Variants in NCALD observed in about 807,000 individuals in gnomAD.
NCALD encodes the protein neurocalcin delta.
Under a neutral mutation model 18.6 loss-of-function variants are expected in NCALD, and 10 were observed. That is an observed-to-expected ratio of 0.54 (90% CI 0.33 to 0.91). NCALD has a LOEUF of 0.91. Ranked by LOEUF, NCALD falls within the 40% of genes least tolerant of loss-of-function variation. NCALD has a pLI of 0.03. For missense variants in NCALD, 184 were observed against 247.6 expected (o/e 0.74, Z 1.72); for synonymous variants, 88 against 87.4 (o/e 1.01, Z -0.04).
At chr8:101,896,256 C>G (rs1450099580) in intron 3 of NCALD, among the ~76,000 whole-genome samples, 1 of 152,014 alleles carries the variant, frequency 6.6e-6, no homozygotes, top group Non-Finnish European at 1.5e-5. Context: ...GAAAAACAAG[C>G]AATGGGGAAA....
chr8:101,761,654 T>G (rs1469374624), intron 1 of NCALD, among the ~76,000 whole-genome samples: 4 of 152,192 alleles, frequency 2.6e-5, no homozygotes. Context: ...ACAGCAGTAT[T>G]TACAGATATG....
chr8:101,974,197 T>G (rs1038250980), intron 2 of NCALD, among the ~76,000 whole-genome samples: 16 of 152,226 alleles, frequency 1.1e-4, no homozygotes, highest in African/African-American at 3.9e-4. Flanking sequence ...ATTTCCCATT[T>G]TATCAATTTT....
intron 3 of NCALD, among the ~76,000 whole-genome samples, chr8:101,908,143 G>T (rs1441412827): frequency 3.3e-5 from 5 of 152,162 alleles, no homozygotes; most frequent in Admixed American, 3.3e-4. Context: ...CTTTTGACAA[G>T]GACAATAAGA....
chr8:102,039,390 C>G (rs1182575675), intron 1 of NCALD, among the ~76,000 whole-genome samples: 1 of 152,110 alleles, frequency 6.6e-6, no homozygotes, highest in Admixed American at 6.5e-5. Flanking sequence ...AGAAATAACA[C>G]AGTTTAGAGG....
intron 2 of NCALD, among the ~76,000 whole-genome samples, chr8:101,916,516 C>T (rs1305725507): frequency 6.6e-6 from 1 of 152,134 alleles, no homozygotes; most frequent in South Asian, 2.1e-4. Flanking sequence ...CAAAACCTTA[C>T]ATATCACTAT....
At chr8:101,715,668 C>T (rs1048999795) in intron 2 of NCALD, among the ~76,000 whole-genome samples, 3 of 152,110 alleles carry the variant, frequency 2.0e-5, no homozygotes, top group African/African-American at 7.2e-5. Context: ...TATGAACAGA[C>T]ACTTCTCAAA....
chr8:101,816,958 TA>T (rs1292035650), intron 4 of NCALD, among the ~76,000 whole-genome samples: 1 of 152,062 alleles, frequency 6.6e-6, no homozygotes, highest in Non-Finnish European at 1.5e-5. Flanking sequence ...AACTACGCTT[TA>T]AAAAGTGTCT....
intron 2 of NCALD, among the ~76,000 whole-genome samples, chr8:101,956,305 T>A (rs1159532003): frequency 6.6e-6 from 1 of 152,086 alleles, no homozygotes; most frequent in Non-Finnish European, 1.5e-5. Context: ...AAAGGTAACA[T>A]GTTTTAGAAT....
chr8:101,771,865 G>C (rs958219069), intron 1 of NCALD, among the ~76,000 whole-genome samples: 1 of 152,226 alleles, frequency 6.6e-6, no homozygotes, highest in Non-Finnish European at 1.5e-5. Flanking sequence ...TCAGCAATTA[G>C]AGCTTGGCAT....
chr8:102,022,553 T>A (rs1019279438), intron 1 of NCALD, among the ~76,000 whole-genome samples: 10 of 152,302 alleles, frequency 6.6e-5, no homozygotes, highest in Middle Eastern at 3.4e-3. Context: ...AGTATTGAGG[T>A]GTCCCCTCTG....
chr8:101,719,727 T>C lies in NCALD; in HGVS notation c.-19-79A>G, dbSNP rs969260428. On this transcript the variant is annotated intron_variant, in intron 1 of 3. Coordinates refer to ENST00000220931, the MANE Select transcript of NCALD (RefSeq NM_032041.3). ...CATTTTATAATTTGTAATTGTTCCT[T>C]TGGGAAGAAGAAAAAACAAACAAAT... The C allele has an allele frequency of 1.3e-5, 17 of 1,349,324 alleles. No individual in the cohort carries two copies. In the African/African-American group the frequency reaches 2.2e-4, roughly 17 times the overall value. 83.6% of individuals were successfully genotyped at this position (1,349,324 alleles called of 1,614,324 possible).
chr8:101,775,216 A>T (rs1283893325), intron 1 of NCALD, among the ~76,000 whole-genome samples: 1 of 152,196 alleles, frequency 6.6e-6, no homozygotes, highest in Non-Finnish European at 1.5e-5. Flanking sequence ...ACTGTCCCCT[A>T]AAGGCAAGAA....
intron 4 of NCALD, among the ~76,000 whole-genome samples, chr8:101,849,888 C>T (rs1218089390): frequency 6.6e-6 from 1 of 152,188 alleles, no homozygotes; most frequent in African/African-American, 2.4e-5. Flanking sequence ...GACGGGGGCC[C>T]TTCCCTGTGT....
chr8:101,930,920 G>A (rs1156451863), intron 2 of NCALD, among the ~76,000 whole-genome samples: 2 of 152,122 alleles, frequency 1.3e-5, no homozygotes, highest in African/African-American at 2.4e-5. Context: ...GCTAGTCTGT[G>A]AGTTGTTATT....
intron 2 of NCALD, among the ~76,000 whole-genome samples, chr8:101,711,758 A>G (rs1034334374): frequency 6.6e-6 from 1 of 152,128 alleles, no homozygotes; most frequent in South Asian, 2.1e-4. Context: ...CCTCCAAGAA[A>G]TACGGGACTA....
chr8:102,060,304 C>G (rs1289515385), intron 1 of NCALD, among the ~76,000 whole-genome samples: 1 of 152,178 alleles, frequency 6.6e-6, no homozygotes, highest in Non-Finnish European at 1.5e-5. Flanking sequence ...CTGACAAGTT[C>G]CAGTGATACA....
At chr8:102,068,493 T>A (rs1162286753) in intron 1 of NCALD, among the ~76,000 whole-genome samples, 1 of 152,192 alleles carries the variant, frequency 6.6e-6, no homozygotes, top group East Asian at 1.9e-4. Flanking sequence ...TTCACAAGGC[T>A]TGAGTTGCTA....
intron 2 of NCALD, among the ~76,000 whole-genome samples, chr8:101,943,873 G>A (rs1484014939): frequency 2.0e-5 from 3 of 151,404 alleles, no homozygotes; most frequent in South Asian, 2.1e-4. Flanking sequence ...CTAGGGAGGC[G>A]GAGGTTGCAG....
At chr8:102,060,805 TAA>T (rs1166199413) in intron 1 of NCALD, among the ~76,000 whole-genome samples, 1 of 152,106 alleles carries the variant, frequency 6.6e-6, no homozygotes, top group South Asian at 2.1e-4. Context: ...TCACCAGAAG[TAA>T]AACATTGTTT....
Sources: gnomAD v4.1 joint callset for allele counts (sites outside exome capture counted in the v4.1 genomes callset) on GRCh38, gnomAD v4.1.1 for gene constraint, MANE v1.5 for transcripts, NCBI Gene and HGNC (gene_info 2026-07-23, HGNC 2026-07-21) for gene names.